The following ZC3H3 variants were observed in gnomAD, a reference collection of about 807,000 sequenced individuals.
ZC3H3 encodes zinc finger CCCH domain-containing protein 3.
ZC3H3 carries 36 observed loss-of-function variants against 77.3 expected under a neutral mutation model. That is an observed-to-expected ratio of 0.47 (90% CI 0.36 to 0.61). The LOEUF is 0.61. Ranked by LOEUF, ZC3H3 falls within the 20% of genes least tolerant of loss-of-function variation. The pLI is 0.00. For missense variants in ZC3H3, 1,331 were observed against 1,312.2 expected, an observed-to-expected ratio of 1.01 and a Z score of -0.22; for synonymous variants, 626 against 555.2, an observed-to-expected ratio of 1.13 and a Z score of -1.79.
chr8:143,468,642 C>A lies in ZC3H3; in HGVS notation c.1921G>T (p.Gly641Cys), dbSNP rs1226447887. The A allele has an allele frequency of 6.4e-7, 1 of 1,552,960 alleles. No homozygotes were observed. Among genetic ancestry groups the A allele is most frequent in the Admixed American group, 2.0e-5 (1 of 51,156 alleles). The change falls in exon 6 of 12, where the codon GGC (glycine) becomes TGC (cysteine). Residue 641 changes from glycine (G) to cysteine (C), a missense_variant. By Grantham distance (159) the Gly-to-Cys change is radical. Coordinates refer to ENST00000262577, the MANE Select transcript of ZC3H3 (RefSeq NM_015117.3). ...LLRTGRLDPA[G>C]SCSRSLASRA... ...CTGGCCAGGGAACGGCTACAGCTGC[C>A]TGCAGGATCCAGCCGGCCTGTGGGG...
intron 4 of ZC3H3, among the ~76,000 whole-genome samples, chr8:143,495,427 G>T (rs550228016): frequency 6.6e-6 from 1 of 152,310 alleles, no homozygotes; most frequent in African/African-American, 2.4e-5. Flanking sequence ...CAGAGCCACA[G>T]GATGCTCCAG....
chr8:143,450,101 T>C (rs1819952025), intron 9 of ZC3H3, among the ~76,000 whole-genome samples: 1 of 152,242 alleles, frequency 6.6e-6, no homozygotes, highest in Admixed American at 6.5e-5. Context: ...CAGGTATCTA[T>C]ATAGCAATGC....
intron 4 of ZC3H3, among the ~76,000 whole-genome samples, chr8:143,477,911 G>A (rs979238199): frequency 3.3e-5 from 5 of 152,118 alleles, no homozygotes; most frequent in East Asian, 1.9e-4. Context: ...TGTGGTCCTC[G>A]CCCCGGAAAG....
chr8:143,456,096 T>C (rs962673469), intron 9 of ZC3H3, among the ~76,000 whole-genome samples: 17 of 150,652 alleles, frequency 1.1e-4, no homozygotes, highest in African/African-American at 4.2e-4. Flanking sequence ...GGTTCAGGTA[T>C]CCATGAGGGA....
At chr8:143,512,622 G>A (rs1396477286) in intron 3 of ZC3H3, among the ~76,000 whole-genome samples, 1 of 152,202 alleles carries the variant, frequency 6.6e-6, no homozygotes, top group Non-Finnish European at 1.5e-5. Flanking sequence ...AGGAGGCCCT[G>A]TGCCATCCCC....
intron 9 of ZC3H3, among the ~76,000 whole-genome samples, chr8:143,455,020 G>GAA (rs113637656): frequency 2.7e-5 from 4 of 147,448 alleles, no homozygotes; most frequent in South Asian, 2.1e-4. Flanking sequence ...CTCAACTTCA[G>GAA]AAAAAAAAAA....
chr8:143,461,191 T>C (rs1336492166), intron 9 of ZC3H3, among the ~76,000 whole-genome samples: 3 of 152,046 alleles, frequency 2.0e-5, no homozygotes, highest in Non-Finnish European at 4.4e-5. Context: ...ATGTGGTACG[T>C]GAATCATATC....
At chr8:143,523,583 G>A in intron 3 of ZC3H3, 2 of 968,762 alleles carry the variant, frequency 2.1e-6, no homozygotes, top group Non-Finnish European at 2.5e-6. Context: ...GGAGACCACA[G>A]CTCAGAATTC....
intron 9 of ZC3H3, among the ~76,000 whole-genome samples, chr8:143,443,302 A>AG (rs1182139989): frequency 6.6e-6 from 1 of 151,584 alleles, no homozygotes; most frequent in East Asian, 1.9e-4. Flanking sequence ...AAAAAAAAAA[A>AG]AAAAAGAACT....
chr8:143,538,899 G>A lies in ZC3H3; in HGVS notation c.468C>T (p.Asp156=). 6.2e-7 allele frequency: 1 copy of A among 1,612,898 alleles called. No individual in the cohort carries two copies. The highest frequency in any genetic ancestry group is 8.5e-7 in the Non-Finnish European group (1 of 1,179,968). ...CACCTTCACCTTCCCGGGGCCTTTGGTCACTCCAGGGGGTTTCCTCAAATT... is the reference window on the plus strand; with the variant it reads ...CACCTTCACCTTCCCGGGGCCTTTGATCACTCCAGGGGGTTTCCTCAAATT... ...LEEFEETPWS[D]QRPREGEGEP... Residue 156 remains aspartate, a synonymous_variant, in exon 2 of 12, where the codon GAC becomes GAT. Transcript: ENST00000262577.
intron 3 of ZC3H3, among the ~76,000 whole-genome samples, chr8:143,529,974 G>T (rs908057324): frequency 2.6e-5 from 4 of 152,218 alleles, no homozygotes; most frequent in Non-Finnish European, 4.4e-5. Context: ...GAGCTGGGGT[G>T]AGTGGAGACT....
intron 4 of ZC3H3, among the ~76,000 whole-genome samples, chr8:143,506,789 G>A (rs1283985074): frequency 1.3e-5 from 2 of 152,186 alleles, no homozygotes; most frequent in African/African-American, 2.4e-5. Context: ...CTCCAGAGCT[G>A]GGTAGGGCTG....
chr8:143,454,079 C>CT (rs55882218), intron 9 of ZC3H3, among the ~76,000 whole-genome samples: 14 of 142,788 alleles, frequency 9.8e-5, no homozygotes, highest in African/African-American at 3.4e-4. Flanking sequence ...ATAACTTTTT[C>CT]TTTTTTTTTT....
At chr8:143,439,966 G>C in intron 11 of ZC3H3, 75 bp downstream of exon 11, 16 of 1,343,298 alleles carry the variant, frequency 1.2e-5, no homozygotes, top group Non-Finnish European at 1.6e-5. Flanking sequence ...CTGGGGGCCT[G>C]AGCCAGGCCG....
At chr8:143,481,516 C>T (rs1336202973) in intron 4 of ZC3H3, among the ~76,000 whole-genome samples, 1 of 152,148 alleles carries the variant, frequency 6.6e-6, no homozygotes, top group Non-Finnish European at 1.5e-5. Flanking sequence ...AGAGCTGCTC[C>T]CAGACCCTCC....
At chr8:143,472,436 C>T (rs1158639600) in intron 5 of ZC3H3, among the ~76,000 whole-genome samples, 7 of 152,210 alleles carry the variant, frequency 4.6e-5, no homozygotes, top group South Asian at 2.1e-4. Flanking sequence ...TTGGCACCGA[C>T]GGGGAGACAC....
At chr8:143,444,591 C>T (rs1157655859) in intron 9 of ZC3H3, among the ~76,000 whole-genome samples, 1 of 152,172 alleles carries the variant, frequency 6.6e-6, no homozygotes, top group Non-Finnish European at 1.5e-5. Flanking sequence ...AAAATTAGCA[C>T]ATTAACAGGT....
In ZC3H3 at chr8:143,539,175, G is replaced by A. The variant is rs1822925546; in HGVS notation, c.192C>T (p.Ser64=). 6 of 1,612,990 alleles carry A rather than the reference G, an allele frequency of 3.7e-6. No individual in the cohort carries two copies. The highest frequency in any genetic ancestry group is 5.1e-6 in the Non-Finnish European group (6 of 1,180,022). Residue 64 remains serine (S), a synonymous_variant, in exon 2 of 12, where the codon TCC becomes TCT. Transcript: ENST00000262577. ...TCTTGCGCCACGAAGGCCCATGGTG[G>A]GAAGAGTAGCCCCTCCGGCTTGGAC... is the stretch of plus-strand genomic sequence containing the variant. The part of the protein sequence containing the change: ...YPRPSRRGYS[S]HHGPSWRKKY...
chr8:143,537,809 C>G (rs1269007821), intron 2 of ZC3H3, among the ~76,000 whole-genome samples, 194 bp downstream of exon 2: 2 of 152,042 alleles, frequency 1.3e-5, no homozygotes, highest in Non-Finnish European at 2.9e-5. Context: ...AACCTGTCCC[C>G]TAAGTTTATG....
Sources: allele counts gnomAD v4.1 joint callset (sites outside exome capture counted in the v4.1 genomes callset), GRCh38; gene constraint gnomAD v4.1.1; transcripts MANE v1.5; gene names NCBI Gene and HGNC (gene_info 2026-07-23, HGNC 2026-07-21).